TAFA2: variants seen among roughly 807,000 people sequenced by gnomAD.
TAFA2 encodes chemokine-like protein TAFA-2.
In TAFA2, 7 loss-of-function variants were observed where a neutral mutation model predicts 18.8. The observed-to-expected ratio is 0.37, with a 90% CI of 0.21 to 0.70. TAFA2 has a LOEUF of 0.70. TAFA2 is among the 30% of genes least tolerant of loss of function. TAFA2 has a pLI of 0.53. For missense variants in TAFA2, 122 were observed against 158.1 expected, an observed-to-expected ratio of 0.77 and a Z score of 1.23; for synonymous variants, 60 against 54.2, an observed-to-expected ratio of 1.11 and a Z score of -0.47.
chr12:62,143,758 T>C (rs1445222097), intron 1 of TAFA2, among the ~76,000 whole-genome samples: 1 of 152,120 alleles, frequency 6.6e-6, no homozygotes, highest in Non-Finnish European at 1.5e-5. Flanking sequence ...AGTCTTAAAA[T>C]TCGGCAGGGT....
chr12:61,833,651 G>A (rs1330836212), intron 2 of TAFA2, among the ~76,000 whole-genome samples: 2 of 151,576 alleles, frequency 1.3e-5, no homozygotes, highest in Middle Eastern at 3.4e-3. Flanking sequence ...TTTAATTCTT[G>A]GAACATGATC....
At chr12:61,789,863 T>G (rs753485981) in intron 2 of TAFA2, among the ~76,000 whole-genome samples, 6 of 151,836 alleles carry the variant, frequency 4.0e-5, no homozygotes, top group Non-Finnish European at 8.8e-5. Context: ...AAACCCATTC[T>G]GCAAGGCCAG....
At chr12:61,711,399 T>C (rs1297643429) in intron 4 of TAFA2, among the ~76,000 whole-genome samples, 1 of 152,026 alleles carries the variant, frequency 6.6e-6, no homozygotes, top group Non-Finnish European at 1.5e-5. Context: ...TCTATTCTAA[T>C]ATCAGGCAGG....
At chr12:61,869,013 G>A (rs1455367776) in intron 1 of TAFA2, among the ~76,000 whole-genome samples, 2 of 152,066 alleles carry the variant, frequency 1.3e-5, no homozygotes, top group African/African-American at 4.8e-5. Flanking sequence ...ATGTACTAAG[G>A]ATTCAATGGC....
intron 2 of TAFA2, among the ~76,000 whole-genome samples, chr12:61,816,072 T>C (rs1029340903): frequency 6.6e-6 from 1 of 151,338 alleles, no homozygotes; most frequent in Non-Finnish European, 1.5e-5. Flanking sequence ...ATCTGATACA[T>C]AGGTAAACTC....
At chr12:61,783,830 A>G (rs1024899133) in intron 2 of TAFA2, among the ~76,000 whole-genome samples, 2 of 151,604 alleles carry the variant, frequency 1.3e-5, no homozygotes, top group Admixed American at 6.6e-5. Flanking sequence ...TAATTCTATT[A>G]AGAAGGATAA....
rs111408007 is a variant in TAFA2 at position 61,916,500 on chromosome 12, C to T, written c.-1-49074G>A. Among the ~76,000 whole-genome samples, 1,073 of 152,312 alleles carry T rather than the reference C, an allele frequency of 7.0e-3. 15 individuals are homozygous for T. The highest frequency in any genetic ancestry group is 0.024 in the African/African-American group (1,016 of 41,572). On this transcript the variant is annotated intron_variant, in intron 1 of 4. Transcript: ENST00000416284. Reference sequence around the variant, plus strand: ...TATTGTTAATGTTTTTACTCTCCATCGTTAATCTGACTGCCCCAAACTAAC... The same window carrying T: ...TATTGTTAATGTTTTTACTCTCCATTGTTAATCTGACTGCCCCAAACTAAC...
At chr12:62,222,210 C>T (rs1244930843) in intron 1 of TAFA2, among the ~76,000 whole-genome samples, 1 of 152,044 alleles carries the variant, frequency 6.6e-6, no homozygotes, top group Non-Finnish European at 1.5e-5. Context: ...CACACACACA[C>T]ATCTGGAGTC....
intron 1 of TAFA2, among the ~76,000 whole-genome samples, chr12:62,237,601 C>T (rs1338035959): frequency 4.6e-5 from 7 of 152,150 alleles, no homozygotes; most frequent in Admixed American, 4.6e-4. Context: ...TTCTTATAAA[C>T]ATACATGTGT....
intron 2 of TAFA2, among the ~76,000 whole-genome samples, chr12:61,773,775 C>G (rs575422828): frequency 6.6e-6 from 1 of 152,044 alleles, no homozygotes; most frequent in South Asian, 2.1e-4. Flanking sequence ...TGGAAAAACC[C>G]TTCTAGACAT....
intron 2 of TAFA2, among the ~76,000 whole-genome samples, chr12:61,866,874 C>G (rs1028598334): frequency 2.6e-5 from 4 of 152,002 alleles, no homozygotes; most frequent in Non-Finnish European, 5.9e-5. Flanking sequence ...TTATTATATA[C>G]CAACTCAATT....
At chr12:61,987,531 A>G (rs1411226660) in intron 1 of TAFA2, among the ~76,000 whole-genome samples, 2 of 152,232 alleles carry the variant, frequency 1.3e-5, no homozygotes, top group Non-Finnish European at 2.9e-5. Flanking sequence ...GTTAGAAACT[A>G]CCATGGAAAT....
At chr12:62,244,481 G>A (rs982197797) in intron 1 of TAFA2, among the ~76,000 whole-genome samples, 24 of 151,926 alleles carry the variant, frequency 1.6e-4, no homozygotes, top group African/African-American at 5.3e-4. Context: ...ATCCACAATC[G>A]TTTACTATTT....
intron 4 of TAFA2, among the ~76,000 whole-genome samples, chr12:61,735,958 A>G (rs950657412): frequency 6.6e-6 from 1 of 151,948 alleles, no homozygotes; most frequent in Non-Finnish European, 1.5e-5. Flanking sequence ...GCTCACCTCA[A>G]TCTAATTTCA....
intron 1 of TAFA2, among the ~76,000 whole-genome samples, chr12:62,090,697 A>C (rs1325259444): frequency 6.8e-6 from 1 of 147,830 alleles, no homozygotes; most frequent in African/African-American, 2.5e-5. Flanking sequence ...TTCTTGCTGA[A>C]CATGACAAAT....
At chr12:61,838,881 C>T (rs910343380) in intron 2 of TAFA2, among the ~76,000 whole-genome samples, 1 of 151,988 alleles carries the variant, frequency 6.6e-6, no homozygotes, top group African/African-American at 2.4e-5. Flanking sequence ...GAGTAGGTGG[C>T]TGCTGGCATC....
rs371146785 is a variant in TAFA2, at chr12:61,768,921, C to G, written c.107-13897G>C. ...GAAGCCTGAAAGCCCTGCCTGCTTT[C>G]TCAGCAGGGAGGCTTGTATCCTGGG... On this transcript the variant is annotated intron_variant, in intron 2 of 4. Transcript: ENST00000416284. Among the ~76,000 whole-genome samples, 5 of 152,012 alleles carry G rather than the reference C, an allele frequency of 3.3e-5. No homozygotes were observed. In the East Asian group the frequency reaches 9.8e-4, roughly 30 times the overall value.
chr12:62,102,202 CA>C (rs981766697), intron 1 of TAFA2, among the ~76,000 whole-genome samples: 2 of 152,104 alleles, frequency 1.3e-5, no homozygotes, highest in Non-Finnish European at 2.9e-5. Flanking sequence ...AGTAAGCAAT[CA>C]GGGGAGATTC....
At chr12:61,810,016 G>T (rs1871799126) in intron 2 of TAFA2, among the ~76,000 whole-genome samples, 1 of 151,290 alleles carries the variant, frequency 6.6e-6, no homozygotes, top group Non-Finnish European at 1.5e-5. Context: ...CATAGGAGTT[G>T]TTAAAGTCCT....
Sources: gnomAD v4.1 joint callset for allele counts (sites outside exome capture counted in the v4.1 genomes callset) on GRCh38, gnomAD v4.1.1 for gene constraint, MANE v1.5 for transcripts, NCBI Gene and HGNC (gene_info 2026-07-23, HGNC 2026-07-21) for gene names.